Variants in ROBO2 observed in about 807,000 individuals in gnomAD.
The protein encoded by ROBO2 is roundabout homolog 2.
In ROBO2, 53 loss-of-function variants were observed where a neutral mutation model predicts 160.8. The ratio of observed to expected loss-of-function variants is 0.33; its 90% confidence interval spans 0.26 to 0.41. The LOEUF (loss-of-function observed/expected upper bound fraction) is 0.41. Ranked by LOEUF, ROBO2 falls within the 10% of genes least tolerant of loss-of-function variation. The pLI, the probability that ROBO2 is intolerant of heterozygous loss-of-function variation, is 1.00. For synonymous variants in ROBO2, 664 were observed against 611.7 expected, an observed-to-expected ratio of 1.09 and a Z score of -1.26; for missense variants, 1,577 against 1,722.4, an observed-to-expected ratio of 0.92 and a Z score of 1.49.
chr3:77,430,650 C>T (rs79390673), intron 2 of ROBO2, among the ~76,000 whole-genome samples: 3,762 of 152,100 alleles, frequency 0.025, 160 homozygotes, highest in African/African-American at 0.084. Context: ...CTGCCTTGCT[C>T]CTTCCACTAC....
chr3:76,541,819 C>A (rs1466161542), intron 2 of ROBO2, among the ~76,000 whole-genome samples: 1 of 152,174 alleles, frequency 6.6e-6, no homozygotes, highest in Admixed American at 6.6e-5. Flanking sequence ...GCTGTTCCTA[C>A]CTTGTTCATT....
chr3:77,294,984 T>G (rs1453314119), intron 2 of ROBO2, among the ~76,000 whole-genome samples: 2 of 150,544 alleles, frequency 1.3e-5, no homozygotes, highest in Admixed American at 1.3e-4. Flanking sequence ...AGACATAAAG[T>G]AAAATTGACG....
At chr3:77,403,306 A>G (rs781649473) in intron 2 of ROBO2, among the ~76,000 whole-genome samples, 69 of 152,148 alleles carry the variant, frequency 4.5e-4, no homozygotes, top group Middle Eastern at 3.2e-3. Flanking sequence ...CAACCCATCT[A>G]TTGAACTTAT....
chr3:77,262,962 A>G (rs868276974), intron 2 of ROBO2, among the ~76,000 whole-genome samples: 1 of 152,306 alleles, frequency 6.6e-6, no homozygotes. Flanking sequence ...AATTCATAAA[A>G]TTCTCACAAC....
At chr3:76,313,010 T>C (rs1468001397) in intron 2 of ROBO2, among the ~76,000 whole-genome samples, 2 of 152,228 alleles carry the variant, frequency 1.3e-5, no homozygotes, top group African/African-American at 4.8e-5. Flanking sequence ...TTTTCCAATG[T>C]ACTCTAACTA....
chr3:76,161,030 A>C (rs547791596), intron 2 of ROBO2, among the ~76,000 whole-genome samples: 1 of 152,272 alleles, frequency 6.6e-6, no homozygotes, highest in African/African-American at 2.4e-5. Flanking sequence ...AACTTTGTAA[A>C]CCTAAAGGAA....
intron 2 of ROBO2, among the ~76,000 whole-genome samples, chr3:77,296,697 C>A (rs2062167069): frequency 6.6e-6 from 1 of 152,058 alleles, no homozygotes; most frequent in Admixed American, 6.6e-5. Flanking sequence ...TGGAAAAGGC[C>A]TTGTGGTAAG....
At chr3:76,901,771 TA>T (rs2075255550) in intron 2 of ROBO2, among the ~76,000 whole-genome samples, 1 of 151,984 alleles carries the variant, frequency 6.6e-6, no homozygotes, top group African/African-American at 2.4e-5. Flanking sequence ...TTAAATTTCT[TA>T]AAAAACATGT....
chr3:77,333,609 C>T (rs1581140737), intron 2 of ROBO2, among the ~76,000 whole-genome samples: 1 of 152,148 alleles, frequency 6.6e-6, no homozygotes. Flanking sequence ...CTGGCAATGA[C>T]TTTTTCTCAT....
intron 2 of ROBO2, among the ~76,000 whole-genome samples, chr3:77,412,861 T>C (rs911159523): frequency 6.6e-6 from 1 of 152,208 alleles, no homozygotes; most frequent in Non-Finnish European, 1.5e-5. Flanking sequence ...TAATGTCTTT[T>C]GACATTTGGG....
intron 2 of ROBO2, among the ~76,000 whole-genome samples, chr3:76,282,650 C>T (rs776754641): frequency 6.6e-6 from 1 of 151,828 alleles, no homozygotes; most frequent in East Asian, 1.9e-4. Context: ...ATATTTAAAG[C>T]GACCTGGGAA....
chr3:76,620,582 A>G (rs187313413), intron 2 of ROBO2, among the ~76,000 whole-genome samples: 57 of 152,168 alleles, frequency 3.7e-4, no homozygotes, highest in Non-Finnish European at 6.6e-4. Context: ...TAATTACCCA[A>G]TACTAATTTT....
At chr3:77,231,917 A>C (rs1306859598) in intron 2 of ROBO2, among the ~76,000 whole-genome samples, 1 of 152,110 alleles carries the variant, frequency 6.6e-6, no homozygotes, top group Non-Finnish European at 1.5e-5. Context: ...TGTTTTACCC[A>C]GTCCTTGTTT....
chr3:76,873,909 C>A (rs761060238), intron 2 of ROBO2, among the ~76,000 whole-genome samples: 5 of 152,098 alleles, frequency 3.3e-5, no homozygotes, highest in Non-Finnish European at 7.4e-5. Flanking sequence ...GACAAGGCCT[C>A]GGCCTCCTCC....
At chr3:76,441,105 CA>C (rs552121734) in intron 2 of ROBO2, among the ~76,000 whole-genome samples, 2 of 150,538 alleles carry the variant, frequency 1.3e-5, no homozygotes, top group South Asian at 2.1e-4. Context: ...GATTCTATTC[CA>C]AAAAAAAAGT....
At chr3:77,604,524 T>C (rs1356965057) in intron 20 of ROBO2, among the ~76,000 whole-genome samples, 1 of 152,176 alleles carries the variant, frequency 6.6e-6, no homozygotes, top group Non-Finnish European at 1.5e-5. Context: ...TAGTACTTAG[T>C]GCTTTTTTGA....
At chr3:76,874,987 C>T (rs2072547512) in intron 2 of ROBO2, among the ~76,000 whole-genome samples, 1 of 152,178 alleles carries the variant, frequency 6.6e-6, no homozygotes, top group African/African-American at 2.4e-5. Flanking sequence ...TTATGGTTTG[C>T]ATGTGTCCCC....
intron 2 of ROBO2, among the ~76,000 whole-genome samples, chr3:77,214,173 G>A (rs1479766787): frequency 1.3e-5 from 2 of 152,172 alleles, no homozygotes; most frequent in African/African-American, 4.8e-5. Flanking sequence ...AATGTTGACA[G>A]TGGGGTGTTA....
intron 2 of ROBO2, among the ~76,000 whole-genome samples, chr3:77,342,495 G>A (rs2153451947): frequency 6.6e-6 from 1 of 152,222 alleles, no homozygotes; most frequent in Admixed American, 6.5e-5. Context: ...TAACTAGAGA[G>A]TTGCATGTAT....
Sources: allele counts gnomAD v4.1 joint callset (sites outside exome capture counted in the v4.1 genomes callset), GRCh38; gene constraint gnomAD v4.1.1; transcripts MANE v1.5; gene names NCBI Gene and HGNC (gene_info 2026-07-23, HGNC 2026-07-21).